FABP6: variants seen among roughly 807,000 people sequenced by gnomAD.
The protein encoded by FABP6 is fatty acid binding protein 6, also known as gastrotropin.
Under a neutral mutation model 14.9 loss-of-function variants are expected in FABP6, and 13 were observed. The ratio of observed to expected loss-of-function variants is 0.87; its 90% CI spans 0.57 to 1.39. FABP6 has a LOEUF of 1.39. Ranked by LOEUF, FABP6 falls within the 40% of genes most tolerant of loss-of-function variation. The pLI is 0.00. For missense variants in FABP6, 161 were observed against 167.2 expected (o/e 0.96, Z 0.20); for synonymous variants, 75 against 63.6 (o/e 1.18, Z -0.85).
At chr5:160,202,913 T>C (rs1477176234) in intron 2 of FABP6, among the ~76,000 whole-genome samples, 2 of 152,148 alleles carry the variant, frequency 1.3e-5, no homozygotes, top group African/African-American at 4.8e-5. Context: ...CTGGGCTTTT[T>C]TTTTTGAGAT....
chr5:160,189,774 G>A (rs1041641336), intron 1 of FABP6, among the ~76,000 whole-genome samples: 2 of 152,114 alleles, frequency 1.3e-5, no homozygotes, highest in Non-Finnish European at 1.5e-5. Context: ...ATAGTTGTGG[G>A]AATGAAGTGA....
intron 1 of FABP6, among the ~76,000 whole-genome samples, chr5:160,193,342 G>T (rs1483389458): frequency 1.3e-5 from 2 of 152,128 alleles, no homozygotes; most frequent in Admixed American, 1.3e-4. Flanking sequence ...AAGTGTTATA[G>T]CTCATAAAAG....
chr5:160,217,066 G>A (rs1013069823), intron 3 of FABP6, among the ~76,000 whole-genome samples: 1 of 152,186 alleles, frequency 6.6e-6, no homozygotes, highest in Non-Finnish European at 1.5e-5. Context: ...TACAAGACTG[G>A]TTGGGAGGAT....
At chr5:160,214,339 A>AT (rs778615793) in intron 3 of FABP6, among the ~76,000 whole-genome samples, 2 of 150,964 alleles carry the variant, frequency 1.3e-5, no homozygotes, top group Non-Finnish European at 3.0e-5. Flanking sequence ...AATTTTTTAA[A>AT]TTTTTTGTAG....
intron 1 of FABP6, among the ~76,000 whole-genome samples, chr5:160,191,619 T>A (rs1034859314): frequency 1.3e-5 from 2 of 152,028 alleles, no homozygotes; most frequent in Non-Finnish European, 2.9e-5. Context: ...ATTAAAAAAA[T>A]TTTTTTAATT....
At chr5:160,193,199 G>C (rs868011215) in intron 1 of FABP6, among the ~76,000 whole-genome samples, 1 of 152,042 alleles carries the variant, frequency 6.6e-6, no homozygotes, top group Non-Finnish European at 1.5e-5. Context: ...TGGTGGGTTC[G>C]TGGTCTCGCT....
At chr5:160,206,197 C>T (rs747273123) in intron 2 of FABP6, among the ~76,000 whole-genome samples, 3 of 152,204 alleles carry the variant, frequency 2.0e-5, no homozygotes, top group South Asian at 2.1e-4. Flanking sequence ...TTTGGGAAGC[C>T]GAGGAGGGCA....
At chr5:160,217,270 G>T (rs1048410892) in intron 3 of FABP6, among the ~76,000 whole-genome samples, 4 of 152,180 alleles carry the variant, frequency 2.6e-5, no homozygotes, top group African/African-American at 9.7e-5. Context: ...TAGGCAGGCA[G>T]TTGGATATAC....
At chr5:160,224,786 C>CTT (rs1198458606), upstream of FABP6, among the ~76,000 whole-genome samples, 8 of 107,900 alleles carry the variant, frequency 7.4e-5, no homozygotes, top group African/African-American at 2.7e-4. Context: ...CTTTTTTTTT[C>CTT]TTTTTTTTTT....
chr5:160,213,202 G>A (rs534449635), intron 2 of FABP6, among the ~76,000 whole-genome samples: 3 of 152,276 alleles, frequency 2.0e-5, no homozygotes, highest in African/African-American at 4.8e-5. Flanking sequence ...GGGGCCCAAC[G>A]AAAGGTGGGC....
upstream of FABP6, chr5:160,228,340 G>A (rs1290081480): frequency 1.8e-5 from 8 of 438,644 alleles, no homozygotes; most frequent in Non-Finnish European, 3.2e-5. Context: ...GCAGTGAGCC[G>A]AGATCACACC....
chr5:160,225,026 G>C (rs12153354), upstream of FABP6, among the ~76,000 whole-genome samples: 1 of 150,016 alleles, frequency 6.7e-6, no homozygotes. Flanking sequence ...GTGATCCGCC[G>C]GCCTTGGCTT....
At chr5:160,216,203 C>G (rs1210048385) in intron 3 of FABP6, among the ~76,000 whole-genome samples, 1 of 152,078 alleles carries the variant, frequency 6.6e-6, no homozygotes, top group African/African-American at 2.4e-5. Flanking sequence ...TAACACATAG[C>G]CTTGTGCTAG....
At chr5:160,237,213 A>C (rs2113152553) in intron 3 of FABP6, among the ~76,000 whole-genome samples, 1 of 152,162 alleles carries the variant, frequency 6.6e-6, no homozygotes. Flanking sequence ...GGAGAACTGG[A>C]AGCAGGTTTG....
At chr5:160,210,955 C>T (rs1178612989) in intron 2 of FABP6, among the ~76,000 whole-genome samples, 1 of 152,130 alleles carries the variant, frequency 6.6e-6, no homozygotes, top group African/African-American at 2.4e-5. Context: ...TGCATGGGAG[C>T]GGGACGACCT....
In FABP6 at chr5:160,229,578, C is replaced by T. The variant is rs755174965; in HGVS notation, c.21C>T (p.Phe7=). MAFTGK[F]EMESEKNYDE... is the part of the protein sequence containing the mutation. Reference sequence around the variant, plus strand: ...GCAGCATGGCTTTCACCGGCAAGTTCGAGATGGAGAGTGAGAAGAATTATG... The same window carrying T: ...GCAGCATGGCTTTCACCGGCAAGTTTGAGATGGAGAGTGAGAAGAATTATG... The change falls in exon 1 of 4, where the codon TTC becomes TTT. Residue 7 remains phenylalanine (F), a synonymous_variant. Coordinates refer to ENST00000402432, the MANE Select transcript of FABP6 (RefSeq NM_001445.3). 1.8e-5 allele frequency: 29 copies of T among 1,613,868 alleles called. No homozygotes were observed. Among genetic ancestry groups the T allele is most frequent in the Non-Finnish European group, 2.4e-5 (28 of 1,179,966 alleles).
At chr5:160,237,925 T>A (rs1387150183) in intron 3 of FABP6, among the ~76,000 whole-genome samples, 1 of 152,172 alleles carries the variant, frequency 6.6e-6, no homozygotes, top group Admixed American at 6.6e-5. Context: ...TGTTATCTAG[T>A]CAGTGGCTCC....
chr5:160,196,805 C>T (rs982807037), intron 1 of FABP6: 3 of 152,340 alleles, frequency 2.0e-5, no homozygotes, highest in Non-Finnish European at 4.4e-5. Context: ...GATCTCCTGA[C>T]CTGGTGATCT....
intron 3 of FABP6, among the ~76,000 whole-genome samples, chr5:160,219,510 A>C (rs918478): frequency 4.6e-5 from 7 of 152,090 alleles, no homozygotes; most frequent in South Asian, 2.1e-4. Flanking sequence ...CCAGGAGAAG[A>C]GGGGAAGAGG....
Sources: gnomAD v4.1 joint callset for allele counts (sites outside exome capture counted in the v4.1 genomes callset) on GRCh38, gnomAD v4.1.1 for gene constraint, MANE v1.5 for transcripts, NCBI Gene and HGNC (gene_info 2026-07-23, HGNC 2026-07-21) for gene names.